The following SRARP variants were observed in gnomAD, a reference collection of about 807,000 sequenced individuals.
SRARP encodes steroid receptor associated and regulated protein, also known as steroid receptor-associated and regulated protein.
In SRARP, 5 loss-of-function variants were observed where a neutral mutation model predicts 3.6. The ratio of observed to expected loss-of-function variants is 1.39; its 90% CI spans 0.73 to 2.93. The LOEUF (loss-of-function observed/expected upper bound fraction) is 2.93. Among genes scored for constraint, SRARP ranks in the 30% most tolerant of loss-of-function variants. The pLI, the probability that SRARP is intolerant of heterozygous loss-of-function variation, is 0.00. For missense variants in SRARP, 215 were observed against 216.7 expected (o/e 0.99, Z 0.05); for synonymous variants, 96 against 91.6 (o/e 1.05, Z -0.27).
rs780382504 is a variant in SRARP, at chr1:16,006,378, T to A, written c.*32T>A. ...GGGCCGGGCTCTGATGCCCAGAGGC[T>A]GCAATTCCCAGGGCCTGGCCCTGCT... On this transcript the variant is annotated 3_prime_UTR_variant, in exon 2 of 2. Coordinates refer to ENST00000329454, the MANE Select transcript of SRARP (RefSeq NM_178840.4). 11 of 1,535,662 alleles carry A rather than the reference T, an allele frequency of 7.2e-6. No homozygotes were observed. Among genetic ancestry groups the A allele is most frequent in the Non-Finnish European group, 9.7e-6 (11 of 1,139,610 alleles).
At chr1:16,004,442 C>A in intron 1 of SRARP, 57 bp downstream of exon 1, 1 of 1,442,052 alleles carries the variant, frequency 6.9e-7, no homozygotes, top group Non-Finnish European at 9.5e-7. Flanking sequence ...GGGCCAGGTG[C>A]GGTGCCTCAT....
Position 16,006,271 on chromosome 1 carries a change from G to A in SRARP, c.435G>A (p.Val145=), listed in dbSNP as rs200141964. ...AKGKPVKAAP[V]RSSTWGTVKD... The stretch of plus-strand genomic sequence containing the variant: ...GGAAACCCGTGAAGGCTGCGCCTGT[G>A]AGGTCTTCAACTTGGGGAACAGTCA... Residue 145 remains valine (V), a synonymous_variant, in exon 2 of 2, where the codon GTG becomes GTA. Coordinates refer to ENST00000329454, the MANE Select transcript of SRARP (RefSeq NM_178840.4). The A allele has an allele frequency of 1.6e-4, 252 of 1,614,028 alleles. No homozygotes were observed. Among genetic ancestry groups the A allele is most frequent in the Non-Finnish European group, 2.1e-4 (248 of 1,180,038 alleles).
At position 16,006,015 on chromosome 1, in the gene SRARP, C is replaced by A; in HGVS notation, c.179C>A (p.Thr60Asn). The change falls in exon 2 of 2, where the codon ACC becomes AAC. Residue 60 changes from threonine (T) to asparagine (N), a missense_variant. By Grantham distance (65) the Thr-to-Asn change is moderately conservative. Transcript: ENST00000329454. ...THGKQLSLAA[T>N]ASPPQAPSPN... is the part of the protein sequence containing the mutation. ...GGGAAGCAGCTCTCCCTGGCAGCAA[C>A]CGCATCACCACCCCAAGCCCCCAGT... 1.2e-6 allele frequency: 2 copies of A among 1,613,958 alleles called. No homozygotes were observed. Among genetic ancestry groups the A allele is most frequent in the Non-Finnish European group, 1.7e-6 (2 of 1,179,956 alleles).
rs1438507558 is a variant in SRARP, at chr1:16,006,029, C to A, written c.193C>A (p.Gln65Lys). ...CCTGGCAGCAACCGCATCACCACCC[C>A]AAGCCCCCAGTCCCAATCGAGGGCT... ...LSLAATASPPQAPSPNRGLVT... is the reference protein window; with the variant it reads ...LSLAATASPPKAPSPNRGLVT... Residue 65 changes from glutamine (Q) to lysine (K), a missense_variant, in exon 2 of 2, where the codon CAA (glutamine) becomes AAA (lysine). Coordinates refer to ENST00000329454, the MANE Select transcript of SRARP (RefSeq NM_178840.4). 1.9e-6 allele frequency: 3 copies of A among 1,613,914 alleles called. No individual in the cohort carries two copies. The highest frequency in any genetic ancestry group is 2.5e-6 in the Non-Finnish European group (3 of 1,179,996).
chr1:16,006,068 A>G lies in SRARP; in HGVS notation c.232A>G (p.Met78Val), dbSNP rs201525387. The change falls in exon 2 of 2, where the codon ATG becomes GTG. Residue 78 changes from methionine to valine, a missense_variant. Coordinates refer to ENST00000329454, the MANE Select transcript of SRARP (RefSeq NM_178840.4). ...CAATCGAGGGCTTGTCACCCCACCA[A>G]TGAAGACCTACATCGTGTTCTGTGG... ...SPNRGLVTPP[M>V]KTYIVFCGEN... 184 of 1,613,832 alleles carry G rather than the reference A, an allele frequency of 1.1e-4. No individual in the cohort carries two copies. The highest frequency in any genetic ancestry group is 1.3e-4 in the Admixed American group (8 of 59,990).
chr1:16,006,750 A>G lies in SRARP; in HGVS notation c.*404A>G, dbSNP rs1386989512. ...GCTAGAGGGAGAGTGATTGGGGTGA[A>G]GACCTTTCCTGATGCAGTGCTTGGT... On this transcript the variant is annotated 3_prime_UTR_variant, in exon 2 of 2. Transcript: ENST00000329454. 1 of 169,652 alleles carries G rather than the reference A, an allele frequency of 5.9e-6. No individual in the cohort carries two copies. The highest frequency in any genetic ancestry group is 1.3e-5 in the Non-Finnish European group (1 of 78,514). The allele number at this position is 169,652 out of a possible 1,614,324, so 10.5% of individuals were successfully genotyped here.
intron 1 of SRARP, 150 bp from the exon 2 acceptor site, chr1:16,005,769 G>A (rs538184380): frequency 1.8e-5 from 14 of 764,340 alleles, no homozygotes; most frequent in African/African-American, 1.6e-4. Flanking sequence ...GCTACTTAGG[G>A]GGCTGAGATG....
Position 16,006,394 on chromosome 1 carries a change from T to G in SRARP, c.*48T>G. The G allele has an allele frequency of 6.7e-7, 1 of 1,496,974 alleles. No individual in the cohort carries two copies. Among genetic ancestry groups the G allele is most frequent in the Non-Finnish European group, 9.0e-7 (1 of 1,113,100 alleles). The allele number at this position is 1,496,974 out of a possible 1,614,324, so 92.7% of individuals were successfully genotyped here. A position where few individuals can be genotyped will look rare whatever the true frequency, so the allele number is the denominator to read the frequency against. ...CCCAGAGGCTGCAATTCCCAGGGCC[T>G]GGCCCTGCTTCCCCAGCTAAGCAGG... On this transcript the variant is annotated 3_prime_UTR_variant, in exon 2 of 2. Coordinates refer to ENST00000329454, the MANE Select transcript of SRARP (RefSeq NM_178840.4).
chr1:16,006,347 C>T lies in SRARP; in HGVS notation c.*1C>T. On this transcript the variant is annotated 3_prime_UTR_variant, in exon 2 of 2. Transcript: ENST00000329454. Reference sequence around the variant, plus strand: ...TTGTGTCTGTGGGCAGGCCGATTAGCTGGAAGGGCCGGGCTCTGATGCCCA... The same window carrying T: ...TTGTGTCTGTGGGCAGGCCGATTAGTTGGAAGGGCCGGGCTCTGATGCCCA... 6.3e-7 allele frequency: 1 copy of T among 1,582,376 alleles called. No individual in the cohort carries two copies. The highest frequency in any genetic ancestry group is 8.6e-7 in the Non-Finnish European group (1 of 1,159,790).
intron 1 of SRARP, 105 bp from the exon 2 acceptor site, chr1:16,005,814 C>A: frequency 8.8e-7 from 1 of 1,142,252 alleles, no homozygotes; most frequent in Non-Finnish European, 1.2e-6. Flanking sequence ...GCTGAGGCTG[C>A]AGTGAGCCAT....
Position 16,007,491 on chromosome 1 carries a change from G to A in SRARP, c.*1145G>A, listed in dbSNP as rs189207723. 1 of 152,316 alleles carries A rather than the reference G, an allele frequency of 6.6e-6. No homozygotes were observed. Among genetic ancestry groups the A allele is most frequent in the East Asian group, 1.9e-4 (1 of 5,184 alleles). 9.4% of individuals were successfully genotyped at this position (152,316 alleles called of 1,614,324 possible). ...GAGTCTCACTCTATCACCCAGGCTG[G>A]AGTGCAGTGGAACAATCACAGCTCA... On this transcript the variant is annotated 3_prime_UTR_variant, in exon 2 of 2. Transcript: ENST00000329454.
rs2073133982 is a variant in SRARP, at chr1:16,007,142, G to A, written c.*796G>A. 1 of 152,014 alleles carries A rather than the reference G, an allele frequency of 6.6e-6. No homozygotes were observed. Among genetic ancestry groups the A allele is most frequent in the Non-Finnish European group, 1.5e-5 (1 of 68,018 alleles). 9.4% of individuals were successfully genotyped at this position (152,014 alleles called of 1,614,324 possible). On this transcript the variant is annotated 3_prime_UTR_variant, in exon 2 of 2. Coordinates refer to ENST00000329454, the MANE Select transcript of SRARP (RefSeq NM_178840.4). ...AGGGGATCTGGCTTCTCAAAAGGGA[G>A]GGAGGTACTCAAAAATAGAGTATCA...
Position 16,006,687 on chromosome 1 carries a change from G to C in SRARP, c.*341G>C, listed in dbSNP as rs2073131497. On this transcript the variant is annotated 3_prime_UTR_variant, in exon 2 of 2. Coordinates refer to ENST00000329454, the MANE Select transcript of SRARP (RefSeq NM_178840.4). The stretch of plus-strand genomic sequence containing the variant: ...CCCAATAAATAAAGAAGATGATTTT[G>C]AACAGCGATGAATGCTCTGCAGGAA... 1 of 229,886 alleles carries C rather than the reference G, an allele frequency of 4.3e-6. No individual in the cohort carries two copies. The highest frequency in any genetic ancestry group is 5.0e-5 in the Admixed American group (1 of 19,842). 14.2% of individuals were successfully genotyped at this position (229,886 alleles called of 1,614,324 possible). A position where few individuals can be genotyped will look rare whatever the true frequency, so the allele number is the denominator to read the frequency against.
intron 1 of SRARP, 72 bp from the exon 2 acceptor site, chr1:16,005,847 G>T: frequency 7.1e-7 from 1 of 1,416,364 alleles, no homozygotes; most frequent in Non-Finnish European, 9.6e-7. Flanking sequence ...GGGCGACAGA[G>T]TGAGACCCTG....
Position 16,008,057 on chromosome 1 carries a change from A to C in SRARP, c.*1711A>C, listed in dbSNP as rs1440249313. On this transcript the variant is annotated 3_prime_UTR_variant, in exon 2 of 2. Transcript: ENST00000329454. ...AGAGGATAAATGTAACCCTGTCCTC[A>C]AGGAGCTCACAGCCAGGTGGGGGAG... 6.6e-6 allele frequency: 1 copy of C among 152,320 alleles called. No homozygotes were observed. The highest frequency in any genetic ancestry group is 1.5e-5 in the Non-Finnish European group (1 of 68,144). 9.4% of individuals were successfully genotyped at this position (152,320 alleles called of 1,614,324 possible). A position where few individuals can be genotyped will look rare whatever the true frequency, so the allele number is the denominator to read the frequency against.
rs574407963 is a variant in SRARP, at chr1:16,007,737, T to A, written c.*1391T>A. The A allele has an allele frequency of 2.0e-4, 30 of 152,340 alleles. No individual in the cohort carries two copies. The highest frequency in any genetic ancestry group is 7.2e-4 in the African/African-American group (30 of 41,578). The allele number at this position is 152,340 out of a possible 1,614,324, so 9.4% of individuals were successfully genotyped here. ...AGGTGTGAGCCACCGTATCTGGTCA[T>A]TAATTTATTCAATGACTATTTTACT... On this transcript the variant is annotated 3_prime_UTR_variant, in exon 2 of 2. Transcript: ENST00000329454.
intron 1 of SRARP, among the ~76,000 whole-genome samples, 178 bp from the exon 2 acceptor site, chr1:16,005,741 C>G (rs2073123402): frequency 6.6e-6 from 1 of 152,106 alleles, no homozygotes; most frequent in South Asian, 2.1e-4. Flanking sequence ...GGCATGGTGG[C>G]ATGAGCCTGT....
chr1:16,006,554 G>A lies in SRARP; in HGVS notation c.*208G>A, dbSNP rs2073130793. ...TTCATTCATACAGCAAATATTACTG[G>A]TACATCTTCCACATGCCAGGCCCTG... On this transcript the variant is annotated 3_prime_UTR_variant, in exon 2 of 2. Coordinates refer to ENST00000329454, the MANE Select transcript of SRARP (RefSeq NM_178840.4). 1 of 563,536 alleles carries A rather than the reference G, an allele frequency of 1.8e-6. No individual in the cohort carries two copies. 34.9% of individuals were successfully genotyped at this position (563,536 alleles called of 1,614,324 possible).
chr1:16,005,835 C>A lies in SRARP; in HGVS notation c.83-84C>A, dbSNP rs1325965445. On this transcript the variant is annotated intron_variant, in intron 1 of 1. Coordinates refer to ENST00000329454, the MANE Select transcript of SRARP (RefSeq NM_178840.4). The stretch of plus-strand genomic sequence containing the variant: ...GCTGCAGTGAGCCATGACCTCCAGC[C>A]TGGGCGACAGAGTGAGACCCTGTCT... 7 of 1,366,250 alleles carry A rather than the reference C, an allele frequency of 5.1e-6. No individual in the cohort carries two copies. The East Asian group carries it at 1.4e-4, about 27-fold the overall frequency. The allele number at this position is 1,366,250 out of a possible 1,614,324, so 84.6% of individuals were successfully genotyped here. A position where few individuals can be genotyped will look rare whatever the true frequency, so the allele number is the denominator to read the frequency against.
Sources: allele counts gnomAD v4.1 joint callset (sites outside exome capture counted in the v4.1 genomes callset), GRCh38; gene constraint gnomAD v4.1.1; transcripts MANE v1.5; gene names NCBI Gene and HGNC (gene_info 2026-07-23, HGNC 2026-07-21).